The following SLC14A2 variants were observed in gnomAD, a reference collection of about 807,000 sequenced individuals.
The protein encoded by SLC14A2 is solute carrier family 14 member 2.
In SLC14A2, 91 loss-of-function variants were observed where a neutral mutation model predicts 104.6. That is an observed-to-expected ratio of 0.87 (90% CI 0.73 to 1.04). SLC14A2 has a LOEUF of 1.04. SLC14A2 is among the 50% of genes least tolerant of loss of function. The pLI is 0.00. For synonymous variants in SLC14A2, 476 were observed against 466.4 expected (o/e 1.02, Z -0.27); for missense variants, 1,189 against 1,156.0 (o/e 1.03, Z -0.41).
intron 1 of SLC14A2, among the ~76,000 whole-genome samples, chr18:45,289,224 T>A (rs1162729737): frequency 1.3e-5 from 2 of 152,168 alleles, no homozygotes; most frequent in Non-Finnish European, 2.9e-5. Flanking sequence ...TCTTATCACA[T>A]TTTTAATCTT....
chr18:45,398,467 G>A (rs1235089541), intron 1 of SLC14A2, among the ~76,000 whole-genome samples: 3 of 152,132 alleles, frequency 2.0e-5, no homozygotes, highest in Non-Finnish European at 4.4e-5. Flanking sequence ...AGAATTAAAA[G>A]CAGGGATTCA....
At chr18:45,441,769 GCT>G (rs1239969136) in intron 1 of SLC14A2, among the ~76,000 whole-genome samples, 2 of 152,168 alleles carry the variant, frequency 1.3e-5, no homozygotes, top group Non-Finnish European at 2.9e-5. Context: ...TTAGGAATTT[GCT>G]CTCTCAGAAA....
At chr18:45,261,854 G>A (rs1029770871) in intron 1 of SLC14A2, among the ~76,000 whole-genome samples, 2 of 152,174 alleles carry the variant, frequency 1.3e-5, no homozygotes, top group African/African-American at 4.8e-5. Context: ...TGTGAATAGT[G>A]CCGCAATAAA....
chr18:45,424,996 C>G (rs911504992), intron 1 of SLC14A2, among the ~76,000 whole-genome samples: 7 of 152,202 alleles, frequency 4.6e-5, no homozygotes, highest in Admixed American at 3.9e-4. Context: ...CCTAATCATT[C>G]AGCAAACCCT....
intron 1 of SLC14A2, among the ~76,000 whole-genome samples, chr18:45,462,882 G>T (rs2087070812): frequency 6.6e-6 from 1 of 152,182 alleles, no homozygotes; most frequent in African/African-American, 2.4e-5. Flanking sequence ...TTAGCAAACT[G>T]CTTGTCACCT....
intron 2 of SLC14A2, among the ~76,000 whole-genome samples, chr18:45,571,653 C>T (rs535022945): frequency 7.9e-5 from 12 of 152,308 alleles, no homozygotes; most frequent in African/African-American, 2.4e-4. Flanking sequence ...TCCACTGCTC[C>T]GCTCAACGGG....
At chr18:45,196,567 T>A in the SLC14A2 span, among the ~76,000 whole-genome samples, 1 of 152,198 alleles carries the variant, frequency 6.6e-6, no homozygotes, top group Non-Finnish European at 1.5e-5. Context: ...TATTGAGGAA[T>A]ATTTCTTAAA....
chr18:45,350,938 A>T, intron 1 of SLC14A2, among the ~76,000 whole-genome samples: 1 of 152,184 alleles, frequency 6.6e-6, no homozygotes, highest in East Asian at 1.9e-4. Context: ...TTTGTCAGTC[A>T]TTTTCTGCAT....
chr18:45,278,983 T>C (rs999175165), intron 1 of SLC14A2, among the ~76,000 whole-genome samples: 29 of 152,258 alleles, frequency 1.9e-4, no homozygotes, highest in African/African-American at 7.0e-4. Flanking sequence ...TATCCATAGA[T>C]AGAAACAAGT....
chr18:45,320,595 A>C (rs763749177), intron 1 of SLC14A2, among the ~76,000 whole-genome samples: 60 of 152,140 alleles, frequency 3.9e-4, no homozygotes, highest in Non-Finnish European at 7.2e-4. Flanking sequence ...TCCTGGTGCC[A>C]GGTTTTTTGA....
chr18:45,621,821 G>A (rs1473455711), intron 1 of SLC14A2, among the ~76,000 whole-genome samples: 4 of 152,204 alleles, frequency 2.6e-5, no homozygotes, highest in South Asian at 2.1e-4. Flanking sequence ...GTGGATCTGC[G>A]AGGGTTTATT....
chr18:45,551,887 C>T (rs1339810619), intron 2 of SLC14A2, among the ~76,000 whole-genome samples: 2 of 152,172 alleles, frequency 1.3e-5, no homozygotes, highest in Non-Finnish European at 2.9e-5. Context: ...CTGAATGCCA[C>T]CTTCTGGAAC....
At chr18:45,663,657 T>A in intron 10 of SLC14A2, 128 bp from the exon 11 acceptor site, 1 of 964,780 alleles carries the variant, frequency 1.0e-6, no homozygotes, top group Non-Finnish European at 1.5e-6. Flanking sequence ...ATGCAATGAC[T>A]ACTCCAGCTT....
intron 2 of SLC14A2, among the ~76,000 whole-genome samples, chr18:45,527,517 C>A (rs1367328061): frequency 6.6e-6 from 1 of 152,158 alleles, no homozygotes; most frequent in Non-Finnish European, 1.5e-5. Context: ...TATGCCTTAA[C>A]CTATTCAACT....
intron 18 of SLC14A2, among the ~76,000 whole-genome samples, chr18:45,675,709 A>ATATTTT (rs57989993): frequency 1.0e-4 from 8 of 78,396 alleles, no homozygotes; most frequent in African/African-American, 2.5e-4. Flanking sequence ...ATATATATAT[A>ATATTTT]TTTTTTTTTT....
chr18:45,399,200 C>G (rs915607524), intron 1 of SLC14A2, among the ~76,000 whole-genome samples: 1 of 152,080 alleles, frequency 6.6e-6, no homozygotes, highest in East Asian at 1.9e-4. Context: ...GAATTTGAAC[C>G]CAGGCAGTCT....
At chr18:45,487,120 A>G (rs1410291495) in intron 2 of SLC14A2, among the ~76,000 whole-genome samples, 1 of 152,224 alleles carries the variant, frequency 6.6e-6, no homozygotes, top group African/African-American at 2.4e-5. Context: ...CTGGACTAAA[A>G]TCAAGGTACC....
intron 1 of SLC14A2, among the ~76,000 whole-genome samples, chr18:45,297,035 A>G (rs1389259065): frequency 6.6e-6 from 1 of 152,168 alleles, no homozygotes; most frequent in Admixed American, 6.5e-5. Context: ...ATGCTGCCCT[A>G]TGGAAGAAAA....
chr18:45,342,893 T>G (rs568811001), intron 1 of SLC14A2, among the ~76,000 whole-genome samples: 3 of 152,356 alleles, frequency 2.0e-5, no homozygotes, highest in African/African-American at 7.2e-5. Flanking sequence ...GTTATAGAAC[T>G]ATTTCCAGAG....
Sources: allele counts gnomAD v4.1 joint callset (sites outside exome capture counted in the v4.1 genomes callset), GRCh38; gene constraint gnomAD v4.1.1; transcripts MANE v1.5; gene names NCBI Gene and HGNC (gene_info 2026-07-23, HGNC 2026-07-21).